JAZF1: variants seen among roughly 807,000 people sequenced by gnomAD.
The protein encoded by JAZF1 is juxtaposed with another zinc finger protein 1.
A neutral mutation model predicts 26.4 loss-of-function variants in JAZF1; 8 were observed. That is an observed-to-expected ratio of 0.30 (90% CI 0.18 to 0.55). The LOEUF is 0.55. JAZF1 is among the 20% of genes least tolerant of loss of function. The pLI, the probability that JAZF1 is intolerant of heterozygous loss-of-function variation, is 0.94. For missense variants in JAZF1, 199 were observed against 322.0 expected (o/e 0.62, Z 2.92); for synonymous variants, 126 against 122.3 (o/e 1.03, Z -0.20).
At chr7:27,992,882 T>G (rs1202120299) in intron 1 of JAZF1, among the ~76,000 whole-genome samples, 2 of 152,160 alleles carry the variant, frequency 1.3e-5, no homozygotes, top group Non-Finnish European at 2.9e-5. Context: ...AGTAACCCCT[T>G]CTTTGATGTA....
At chr7:28,014,286 T>C (rs1782846058) in intron 1 of JAZF1, among the ~76,000 whole-genome samples, 1 of 152,144 alleles carries the variant, frequency 6.6e-6, no homozygotes, top group African/African-American at 2.4e-5. Flanking sequence ...ACCCAAGCCA[T>C]TGAACAGTGA....
intron 1 of JAZF1, among the ~76,000 whole-genome samples, chr7:28,048,563 G>C (rs1783535412): frequency 6.6e-6 from 1 of 152,162 alleles, no homozygotes; most frequent in African/African-American, 2.4e-5. Context: ...TTTGTTCTCT[G>C]AGAACTGCTT....
chr7:28,009,547 G>T lies in JAZF1; in HGVS notation c.116-17566C>A, dbSNP rs7798584. Among the ~76,000 whole-genome samples the T allele has an allele frequency of 2.2e-3, 332 of 150,670 alleles. 1 individual carries two copies. The East Asian group carries it at 0.025, about 11-fold the overall frequency. ...CGCCCAGGCTGGAGTGCAGTGGCAC[G>T]ATCTCGGCTCACTGCAACCTCCGCC... On this transcript the variant is annotated intron_variant, in intron 1 of 4. Coordinates refer to ENST00000283928, the MANE Select transcript of JAZF1 (RefSeq NM_175061.4).
chr7:27,835,980 TTTAA>T (rs1782802994), intron 4 of JAZF1, among the ~76,000 whole-genome samples: 1 of 152,214 alleles, frequency 6.6e-6, no homozygotes, highest in Non-Finnish European at 1.5e-5. Context: ...AATTGCCTTA[TTTAA>T]TACTCATGTT....
chr7:28,140,530 C>G (rs978654968), intron 1 of JAZF1, among the ~76,000 whole-genome samples: 5 of 151,852 alleles, frequency 3.3e-5, no homozygotes, highest in Admixed American at 6.6e-5. Flanking sequence ...CCCCTCACCC[C>G]AAACCCCACC....
At chr7:27,880,609 G>T (rs956540373) in intron 3 of JAZF1, among the ~76,000 whole-genome samples, 2 of 152,088 alleles carry the variant, frequency 1.3e-5, no homozygotes, top group Admixed American at 1.3e-4. Context: ...CTCCAGCCTG[G>T]GTAACAGCAA....
chr7:27,840,996 C>A lies in JAZF1; in HGVS notation c.386-129G>T. 1 of 872,538 alleles carries A rather than the reference C, an allele frequency of 1.1e-6. No individual in the cohort carries two copies. Among genetic ancestry groups the A allele is most frequent in the Non-Finnish European group, 1.8e-6 (1 of 563,716 alleles). The allele number at this position is 872,538 out of a possible 1,614,324, so 54.0% of individuals were successfully genotyped here. On this transcript the variant is annotated intron_variant, in intron 3 of 4. Coordinates refer to ENST00000283928, the MANE Select transcript of JAZF1 (RefSeq NM_175061.4). The surrounding 1 kb of genome is among the most constrained non-coding windows in gnomAD (Gnocchi z 5.1). ...TGACGGCCCAGGGAGAGGGCACTCC[C>A]GGCACCAGGGGACTGCAAACACGGC... is the stretch of plus-strand genomic sequence containing the variant.
At chr7:27,975,878 G>A (rs1190342198) in intron 2 of JAZF1, among the ~76,000 whole-genome samples, 1 of 152,166 alleles carries the variant, frequency 6.6e-6, no homozygotes, top group Non-Finnish European at 1.5e-5. Context: ...AGAATGAACT[G>A]TAGACTACTG....
intron 3 of JAZF1, among the ~76,000 whole-genome samples, chr7:27,852,332 C>T (rs1305431728): frequency 2.6e-5 from 4 of 151,998 alleles, no homozygotes; most frequent in Non-Finnish European, 5.9e-5. Flanking sequence ...TGGGGTTTTA[C>T]CACGTTGGCC....
At chr7:27,991,083 C>T (rs922466058) in intron 2 of JAZF1, among the ~76,000 whole-genome samples, 3 of 152,200 alleles carry the variant, frequency 2.0e-5, no homozygotes, top group Admixed American at 6.5e-5. Context: ...ACAGGTAATT[C>T]ATTCCCAGCT....
intron 1 of JAZF1, among the ~76,000 whole-genome samples, chr7:27,993,773 T>C (rs1785955031): frequency 2.0e-5 from 3 of 152,160 alleles, no homozygotes; most frequent in Admixed American, 6.5e-5. Context: ...CAAAATGGTT[T>C]CACCTCAAGT....
At chr7:28,119,401 T>A (rs1224761128) in intron 1 of JAZF1, among the ~76,000 whole-genome samples, 1 of 152,132 alleles carries the variant, frequency 6.6e-6, no homozygotes, top group East Asian at 1.9e-4. Flanking sequence ...TTCCAACTTA[T>A]CTGGACTCCT....
chr7:27,975,670 GTTTC>G (rs141459425), intron 2 of JAZF1, among the ~76,000 whole-genome samples: 2,639 of 152,252 alleles, frequency 0.017, 72 homozygotes, highest in African/African-American at 0.058. Flanking sequence ...TGTCTAGGGT[GTTTC>G]TTTATCACTG....
chr7:28,152,354 G>T (rs768404205), intron 1 of JAZF1, among the ~76,000 whole-genome samples: 6 of 152,168 alleles, frequency 3.9e-5, no homozygotes, highest in Non-Finnish European at 8.8e-5. Context: ...TAAATCAAAA[G>T]GCTTGACTTA....
chr7:27,857,347 G>A (rs2128335389), intron 3 of JAZF1, among the ~76,000 whole-genome samples: 1 of 152,316 alleles, frequency 6.6e-6, no homozygotes, highest in Middle Eastern at 3.4e-3. Context: ...AACTCGTGCT[G>A]GCCTGCAAGT....
intron 1 of JAZF1, among the ~76,000 whole-genome samples, chr7:28,065,700 C>T (rs959596840): frequency 6.6e-6 from 1 of 152,136 alleles, no homozygotes; most frequent in Non-Finnish European, 1.5e-5. Context: ...AAAAGAAAAT[C>T]ACCCAACCAC....
intron 1 of JAZF1, among the ~76,000 whole-genome samples, chr7:28,105,503 C>G (rs543246811): frequency 6.6e-6 from 1 of 152,176 alleles, no homozygotes. Flanking sequence ...TTCAGGAATG[C>G]GCAGAGTTGA....
chr7:27,863,261 A>T (rs1205495362), intron 3 of JAZF1, among the ~76,000 whole-genome samples: 1 of 152,152 alleles, frequency 6.6e-6, no homozygotes, highest in African/African-American at 2.4e-5. Context: ...CTCCATGTCC[A>T]TCTGGCTGGG....
chr7:27,904,787 G>T (rs1303056360), intron 2 of JAZF1, among the ~76,000 whole-genome samples: 1 of 152,178 alleles, frequency 6.6e-6, no homozygotes, highest in South Asian at 2.1e-4. Context: ...CACTTAACTT[G>T]TAAGAGGTAT....
Sources: gnomAD v4.1 joint callset for allele counts (sites outside exome capture counted in the v4.1 genomes callset) on GRCh38, gnomAD v4.1.1 for gene constraint, Gnocchi (gnomAD v3.1) non-coding constraint, MANE v1.5 for transcripts, NCBI Gene and HGNC (gene_info 2026-07-23, HGNC 2026-07-21) for gene names.